HUWE1: variants seen among roughly 807,000 people sequenced by gnomAD.
HUWE1 encodes HECT, UBA and WWE domain containing E3 ubiquitin protein ligase 1.
Under a neutral mutation model 299.4 loss-of-function variants are expected in HUWE1, and 18 were observed. The ratio of observed to expected loss-of-function variants is 0.06; its 90% CI spans 0.04 to 0.09. The LOEUF is 0.09. Ranked by LOEUF, HUWE1 falls within the 10% of genes least tolerant of loss-of-function variation. The pLI, the probability that HUWE1 is intolerant of heterozygous loss-of-function variation, is 1.00. For missense variants in HUWE1, 1,832 were observed against 3,462.3 expected (o/e 0.53, Z 11.82); for synonymous variants, 1,317 against 1,286.1 (o/e 1.02, Z -0.51).
At chrX:53,646,575 T>A (rs2068065679) in intron 6 of HUWE1, among the ~76,000 whole-genome samples, 1 of 112,182 alleles carries the variant, frequency 8.9e-6, no homozygotes, top group African/African-American at 3.2e-5. Flanking sequence ...TTGCCAATTA[T>A]ACCGAAGGTC....
intron 52 of HUWE1, 103 bp downstream of exon 52, chrX:53,563,643 T>C (rs1243607340): frequency 4.7e-5 from 43 of 924,210 alleles, no homozygotes; most frequent in Non-Finnish European, 6.4e-5. Context: ...AGGCTGGCTA[T>C]GAGCCCTTAG....
intron 80 of HUWE1, 114 bp from the exon 81 acceptor site, chrX:53,535,615 G>C: frequency 1.1e-5 from 6 of 551,994 alleles, no homozygotes; most frequent in Non-Finnish European, 1.6e-5. Flanking sequence ...GATGAGGCAA[G>C]TCCATACAAA....
In HUWE1 at chrX:53,537,708, G is replaced by C. The variant is rs57113369; in HGVS notation, c.11997-12C>G. 1 of 1,204,559 alleles carries C rather than the reference G, an allele frequency of 8.3e-7. No individual in the cohort carries two copies. The highest frequency in any genetic ancestry group is 1.1e-6 in the Non-Finnish European group (1 of 891,400). On this transcript the variant is annotated splice_polypyrimidine_tract_variant and intron_variant, in intron 77 of 83. Transcript: ENST00000262854. Reference sequence around the variant, plus strand: ...CTTGGCGGAAATATCTTGGGAGGTAGAAAAGGAAGGAAGATAGGATTAAGG... The same window carrying C: ...CTTGGCGGAAATATCTTGGGAGGTACAAAAGGAAGGAAGATAGGATTAAGG...
chrX:53,533,479 G>T, intron 83 of HUWE1, 68 bp from the exon 84 acceptor site: 1 of 748,273 alleles, frequency 1.3e-6, no homozygotes, highest in Non-Finnish European at 2.1e-6. Flanking sequence ...TGTTCCCATG[G>T]TGCCCACCAG....
At chrX:53,586,621 T>C (rs782158549) in intron 38 of HUWE1, 50 bp from the exon 39 acceptor site, 5 of 1,093,009 alleles carry the variant, frequency 4.6e-6, no homozygotes, top group Middle Eastern at 2.6e-4. Context: ...CCTGCACAAA[T>C]TGGGAAAATA....
At chrX:53,552,570 C>A (rs189105311) in intron 62 of HUWE1, 68 bp downstream of exon 62, 1 of 1,205,007 alleles carries the variant, frequency 8.3e-7, no homozygotes, top group Non-Finnish European at 1.1e-6. Flanking sequence ...CATTAGTTGA[C>A]GAGTATGAAA....
At position 53,615,816 on chromosome X, in the gene HUWE1, C is replaced by A; in HGVS notation, c.1977G>T (p.Leu659=). 8.3e-7 allele frequency: 1 copy of A among 1,207,425 alleles called. No individual in the cohort carries two copies. Among genetic ancestry groups the A allele is most frequent in the Non-Finnish European group, 1.1e-6 (1 of 891,725 alleles). ...SDPLGDTASN[L]GSAVDELMRH... ...TCATGAGCTCATCGACAGCACTCCC[C>A]AGGTTGGATGCAGTATCCCCTTAAG... The change falls in exon 22 of 84, where the codon CTG becomes CTT. Residue 659 remains leucine (L), a synonymous_variant. Transcript: ENST00000262854.
At position 53,607,595 on chromosome X, in the gene HUWE1, A is replaced by G. The variant is rs985395519; in HGVS notation, c.2424T>C (p.Leu808=). 2.5e-6 allele frequency: 3 copies of G among 1,210,609 alleles called. No individual in the cohort carries two copies. Among genetic ancestry groups the G allele is most frequent in the Non-Finnish European group, 3.4e-6 (3 of 894,150 alleles). Residue 808 remains leucine (L), a synonymous_variant, in exon 25 of 84, where the codon CTT becomes CTC. Coordinates refer to ENST00000262854, the MANE Select transcript of HUWE1 (RefSeq NM_031407.7). ...GLLPLVTILG[L]PNLPIDFPTS... ...TGGGAAAGTCAATGGGCAGATTGGG[A>G]AGACCCAAAATGGTAACCAAAGGCA... is the stretch of plus-strand genomic sequence containing the variant.
intron 73 of HUWE1, chrX:53,542,803 T>A: frequency 2.7e-6 from 1 of 366,080 alleles, no homozygotes; most frequent in East Asian, 5.1e-5. Context: ...CTGTGACCAG[T>A]CAGAACTAGC....
chrX:53,562,096 G>A lies in HUWE1; in HGVS notation c.7338+15C>T, dbSNP rs200554399. The A allele has an allele frequency of 3.2e-4, 384 of 1,207,959 alleles. 2 individuals carry two copies. Among genetic ancestry groups the A allele is most frequent in the Middle Eastern group, 1.6e-3 (7 of 4,311 alleles). On this transcript the variant is annotated intron_variant, in intron 54 of 83. Transcript: ENST00000262854. ...AGAGGTCATCTGAACCAACCCAAAC[G>A]CAGTCCCCCCTCACCTGATCATCTT...
At chrX:53,625,598 A>G in intron 17 of HUWE1, 1 of 202,771 alleles carries the variant, frequency 4.9e-6, no homozygotes. Context: ...AAATTGTTGG[A>G]AAAGTATAAA....
At chrX:53,562,980 C>A in intron 52 of HUWE1, 51 bp from the exon 53 acceptor site, 1 of 1,052,609 alleles carries the variant, frequency 9.5e-7, no homozygotes, top group East Asian at 3.0e-5. Context: ...ACTTCCCTTT[C>A]CAGACTGGGT....
chrX:53,544,975 T>G, intron 71 of HUWE1, 54 bp downstream of exon 71: 1 of 1,162,803 alleles, frequency 8.6e-7, no homozygotes, highest in Non-Finnish European at 1.2e-6. Flanking sequence ...GCAAGAGCCA[T>G]CTTCCAGAAT....
At chrX:53,676,157 C>G (rs2069811085) in intron 3 of HUWE1, among the ~76,000 whole-genome samples, 1 of 111,869 alleles carries the variant, frequency 8.9e-6, no homozygotes, top group African/African-American at 3.3e-5. Context: ...CCCTGACTGC[C>G]CACCTCTGAG....
At chrX:53,628,460 A>G in intron 15 of HUWE1, 33 bp downstream of exon 15, 1 of 1,096,639 alleles carries the variant, frequency 9.1e-7, no homozygotes, top group Non-Finnish European at 1.2e-6. Context: ...TTCCCCATGT[A>G]GTTTAAAAAA....
intron 3 of HUWE1, among the ~76,000 whole-genome samples, chrX:53,660,070 C>T (rs1767159249): frequency 8.9e-6 from 1 of 111,801 alleles, no homozygotes; most frequent in South Asian, 3.7e-4. Context: ...ATAATTAATG[C>T]AGCCAAGTAA....
At chrX:53,533,568 T>C in intron 83 of HUWE1, 157 bp from the exon 84 acceptor site, 2 of 492,232 alleles carry the variant, frequency 4.1e-6, no homozygotes, top group South Asian at 6.0e-5. Context: ...TGTCCCCCTT[T>C]ATCTGGCTCC....
chrX:53,615,615 A>G, intron 22 of HUWE1, 129 bp downstream of exon 22: 1 of 520,413 alleles, frequency 1.9e-6, no homozygotes, highest in Non-Finnish European at 3.4e-6. Flanking sequence ...ACATGGAAAC[A>G]ATGAGGCAGA....
chrX:53,614,687 G>A lies in HUWE1; in HGVS notation c.2108C>T (p.Ser703Leu). ...GGCAGTGCCATCTGCCTTCTGGATTGATGGCTTCTGACAGATGTATTTGGG... is the reference window on the plus strand; with the variant it reads ...GGCAGTGCCATCTGCCTTCTGGATTAATGGCTTCTGACAGATGTATTTGGG... Reference protein sequence around the residue: ...RDPKYICQKPSIQKADGTATA... With the variant: ...RDPKYICQKPLIQKADGTATA... The change falls in exon 23 of 84, where the codon TCA (serine) becomes TTA (leucine). Residue 703 changes from serine to leucine, a missense_variant. This residue lies in a region of HUWE1 where 658 missense variants were observed against 1,282.6 expected (regional missense o/e 0.51). Transcript: ENST00000262854. 3.3e-6 allele frequency: 4 copies of A among 1,207,867 alleles called. No homozygotes were observed. Among genetic ancestry groups the A allele is most frequent in the Non-Finnish European group, 4.5e-6 (4 of 892,239 alleles).
Sources: allele counts gnomAD v4.1 joint callset (sites outside exome capture counted in the v4.1 genomes callset), GRCh38; gene constraint gnomAD v4.1.1; regional missense constraint gnomAD v4.1.1; transcripts MANE v1.5; gene names NCBI Gene and HGNC (gene_info 2026-07-23, HGNC 2026-07-21).